USP32: variants seen among roughly 807,000 people sequenced by gnomAD.
USP32 encodes ubiquitin specific peptidase 32, also known as ubiquitin carboxyl-terminal hydrolase 32.
A neutral mutation model predicts 204.8 loss-of-function variants in USP32; 59 were observed. That is an observed-to-expected ratio of 0.29 (90% CI 0.23 to 0.36). The LOEUF (loss-of-function observed/expected upper bound fraction) is 0.36, where lower values mean the gene tolerates loss of function less well. USP32 is among the 10% of genes least tolerant of loss of function. USP32 has a pLI of 1.00. For missense variants in USP32, 1,160 were observed against 1,946.4 expected, an observed-to-expected ratio of 0.60 and a Z score of 7.60; for synonymous variants, 517 against 678.4, an observed-to-expected ratio of 0.76 and a Z score of 3.70.
intron 1 of USP32, among the ~76,000 whole-genome samples, chr17:60,363,907 C>T (rs1567876217): frequency 6.6e-6 from 1 of 151,950 alleles, no homozygotes; most frequent in Admixed American, 6.6e-5. Flanking sequence ...GTTGGGGGGG[C>T]ACCTTACAGA....
chr17:60,383,925 G>A (rs1167651508), intron 1 of USP32, among the ~76,000 whole-genome samples: 1 of 152,224 alleles, frequency 6.6e-6, no homozygotes, highest in East Asian at 1.9e-4. Context: ...TGGATTTTAA[G>A]AATACACTGA....
chr17:60,388,000 G>T (rs1227155686), intron 1 of USP32, among the ~76,000 whole-genome samples: 2 of 152,100 alleles, frequency 1.3e-5, no homozygotes, highest in African/African-American at 4.8e-5. Flanking sequence ...ACTTAGTGGA[G>T]ATCACTGACC....
At position 60,207,143 on chromosome 17, in the gene USP32, A is replaced by G. The variant is rs1253701107; in HGVS notation, c.2926-11T>C. ...GTCCTGAGGAAAGTTCTACAGAAAC[A>G]GAAGCAAGATGAGAAGGGGGAGATG... is the stretch of plus-strand genomic sequence containing the variant. On this transcript the variant is annotated splice_polypyrimidine_tract_variant and intron_variant, in intron 24 of 33. Coordinates refer to ENST00000300896, the MANE Select transcript of USP32 (RefSeq NM_032582.4). 3 of 1,607,398 alleles carry G rather than the reference A, an allele frequency of 1.9e-6. No individual in the cohort carries two copies. In the African/African-American group the frequency reaches 4.0e-5, roughly 22 times the overall value.
chr17:60,214,089 C>A (rs2956864), intron 17 of USP32, among the ~76,000 whole-genome samples: 1 of 151,846 alleles, frequency 6.6e-6, no homozygotes, highest in African/African-American at 2.4e-5. Context: ...CTACAGGCTC[C>A]CACCGCCATG....
Position 60,368,991 on chromosome 17 carries a change from A to ATTTTTTTTTTTTTTTTTTT in USP32, c.58+22872_58+22890dup, listed in dbSNP as rs758528054. 1.0e-3 allele frequency among the ~76,000 whole-genome samples: 114 copies of ATTTTTTTTTTTTTTTTTTT among 114,110 alleles called. 7 individuals carry two copies. Among genetic ancestry groups the ATTTTTTTTTTTTTTTTTTT allele is most frequent in the African/African-American group, 3.8e-3 (75 of 19,574 alleles). The allele number at this position is 114,110 out of a possible 152,430, so 74.9% of individuals were successfully genotyped here. The stretch of plus-strand genomic sequence containing the variant: ...ACATACACGAATTATTTTTTAAAAG[A>ATTTTTTTTTTTTTTTTTTT]TTTTTTTTTTTTTTTTTTTTTGAGA... On this transcript the variant is annotated intron_variant, in intron 1 of 33. Transcript: ENST00000300896.
intron 12 of USP32, among the ~76,000 whole-genome samples, chr17:60,232,549 T>C (rs2085597289): frequency 7.2e-6 from 1 of 138,316 alleles, no homozygotes; most frequent in African/African-American, 3.3e-5. Flanking sequence ...AAATTTGATT[T>C]TTTTTTTTTT....
At chr17:60,237,106 AATCTACTCT>A (rs1408188428) in intron 11 of USP32, among the ~76,000 whole-genome samples, 2 of 143,618 alleles carry the variant, frequency 1.4e-5, no homozygotes, top group East Asian at 2.0e-4. Context: ...TAAAAAAAAA[AATCTACTCT>A]ATCTATCTAT....
intron 12 of USP32, among the ~76,000 whole-genome samples, chr17:60,229,684 T>C (rs1276551106): frequency 6.6e-6 from 1 of 152,254 alleles, no homozygotes; most frequent in Non-Finnish European, 1.5e-5. Context: ...AAAATCACTT[T>C]AGTTTTGCTA....
At chr17:60,181,284 C>T (rs757256225) in intron 32 of USP32, 40 bp downstream of exon 32, 1 of 1,573,926 alleles carries the variant, frequency 6.4e-7, no homozygotes, top group South Asian at 1.2e-5. Flanking sequence ...GTGAACAAAA[C>T]ACAGACCACT....
At chr17:60,339,392 G>A (rs1054191029) in intron 2 of USP32, among the ~76,000 whole-genome samples, 1 of 151,254 alleles carries the variant, frequency 6.6e-6, no homozygotes, top group Non-Finnish European at 1.5e-5. Context: ...AAACCAGCCT[G>A]GCCAACATGG....
intron 26 of USP32, 107 bp from the exon 27 acceptor site, chr17:60,198,551 T>A: frequency 7.7e-7 from 1 of 1,299,280 alleles, no homozygotes. Context: ...CCATTTCAAA[T>A]CAGTCACTAT....
At chr17:60,255,617 AT>A (rs909109959) in intron 9 of USP32, among the ~76,000 whole-genome samples, 1 of 152,140 alleles carries the variant, frequency 6.6e-6, no homozygotes, top group African/African-American at 2.4e-5. Flanking sequence ...CAGAAAAGTA[AT>A]TTCTTCCTCT....
chr17:60,268,285 A>G (rs1038893277), intron 7 of USP32, among the ~76,000 whole-genome samples: 8 of 152,134 alleles, frequency 5.3e-5, no homozygotes. Flanking sequence ...ATGGAAATGC[A>G]GAGCTGGGCA....
chr17:60,297,765 C>T (rs1351394820), intron 3 of USP32, among the ~76,000 whole-genome samples: 2 of 152,078 alleles, frequency 1.3e-5, no homozygotes, highest in Non-Finnish European at 2.9e-5. Flanking sequence ...CATGAGCCAC[C>T]GTGCCTGGCC....
chr17:60,210,212 T>C (rs1341025720), intron 21 of USP32, among the ~76,000 whole-genome samples: 1 of 152,116 alleles, frequency 6.6e-6, no homozygotes, highest in Non-Finnish European at 1.5e-5. Context: ...GCTTTGTATT[T>C]AAATAAAAAT....
At chr17:60,296,878 G>C (rs933402955) in intron 3 of USP32, among the ~76,000 whole-genome samples, 1 of 152,100 alleles carries the variant, frequency 6.6e-6, no homozygotes, top group African/African-American at 2.4e-5. Context: ...TCTTGGCCAA[G>C]GGGACCCCAG....
chr17:60,217,023 T>C lies in USP32; in HGVS notation c.1868-2249A>G, dbSNP rs574286901. ...AAAACCAAATTTGGAGCATCTGAAATATGCAGTTCTAGGATTCAGAAGCAT... is the reference window on the plus strand; with the variant it reads ...AAAACCAAATTTGGAGCATCTGAAACATGCAGTTCTAGGATTCAGAAGCAT... On this transcript the variant is annotated intron_variant, in intron 16 of 33. Coordinates refer to ENST00000300896, the MANE Select transcript of USP32 (RefSeq NM_032582.4). Among the ~76,000 whole-genome samples, 96 of 152,298 alleles carry C rather than the reference T, an allele frequency of 6.3e-4. No homozygotes were observed. In the Middle Eastern group the frequency reaches 0.037, roughly 59 times the overall value.
At chr17:60,246,411 A>ATTTTT (rs199852454) in intron 11 of USP32, among the ~76,000 whole-genome samples, 3 of 145,788 alleles carry the variant, frequency 2.1e-5, no homozygotes, top group African/African-American at 8.1e-5. Flanking sequence ...ATATATATAT[A>ATTTTT]TATTTTTTTT....
chr17:60,196,557 G>A (rs1302230624), intron 27 of USP32, among the ~76,000 whole-genome samples: 2 of 152,104 alleles, frequency 1.3e-5, no homozygotes, highest in Non-Finnish European at 2.9e-5. Flanking sequence ...GGGCACGATG[G>A]CTCATGCCTG....
Sources: allele counts gnomAD v4.1 joint callset (sites outside exome capture counted in the v4.1 genomes callset), GRCh38; gene constraint gnomAD v4.1.1; transcripts MANE v1.5; gene names NCBI Gene and HGNC (gene_info 2026-07-23, HGNC 2026-07-21).